Variants in RFC3 observed in about 807,000 individuals in gnomAD.
RFC3 encodes replication factor C subunit 3.
Under a neutral mutation model 45.1 loss-of-function variants are expected in RFC3, and 41 were observed. That is an observed-to-expected ratio of 0.91 (90% CI 0.71 to 1.18). The LOEUF is 1.18. RFC3 is among the 50% of genes most tolerant of loss of function. The pLI is 0.00. For missense variants in RFC3, 423 were observed against 428.1 expected, an observed-to-expected ratio of 0.99 and a Z score of 0.10; for synonymous variants, 149 against 144.0, an observed-to-expected ratio of 1.03 and a Z score of -0.25.
chr13:33,959,891 C>T (rs1172147735), intron 8 of RFC3, among the ~76,000 whole-genome samples: 3 of 152,122 alleles, frequency 2.0e-5, no homozygotes, highest in African/African-American at 4.8e-5. Flanking sequence ...GGAAGCATAG[C>T]GCCGGCATCA....
At chr13:33,949,846 AG>A (rs1193883288) in intron 8 of RFC3, among the ~76,000 whole-genome samples, 13 of 152,320 alleles carry the variant, frequency 8.5e-5, no homozygotes, top group South Asian at 4.1e-4. Context: ...CAGGTAAGAG[AG>A]AATTTCTCTT....
At chr13:33,898,806 AAGG>A (rs1381609828) in intron 8 of RFC3, among the ~76,000 whole-genome samples, 1 of 151,900 alleles carries the variant, frequency 6.6e-6, no homozygotes, top group African/African-American at 2.4e-5. Flanking sequence ...AGAAATGAAA[AAGG>A]AGTCATAAAA....
At chr13:33,894,372 G>C (rs1289110115) in intron 8 of RFC3, among the ~76,000 whole-genome samples, 1 of 152,204 alleles carries the variant, frequency 6.6e-6, no homozygotes, top group Non-Finnish European at 1.5e-5. Context: ...GGGAATGGAG[G>C]GAAGTCGTTC....
At chr13:33,928,720 G>A (rs9563936) in intron 8 of RFC3, among the ~76,000 whole-genome samples, 39,681 of 151,992 alleles carry the variant, frequency 0.26, 7,536 homozygotes, top group African/African-American at 0.52. Flanking sequence ...TCCAATAGCA[G>A]CTTGCCTGTG....
At chr13:33,920,205 C>T (rs774532716) in intron 8 of RFC3, among the ~76,000 whole-genome samples, 3 of 151,962 alleles carry the variant, frequency 2.0e-5, no homozygotes, top group East Asian at 1.9e-4. Context: ...AGCAATGTTC[C>T]GGGACAAGCC....
chr13:33,873,790 A>C (rs181059258), intron 8 of RFC3, among the ~76,000 whole-genome samples: 95 of 152,342 alleles, frequency 6.2e-4, no homozygotes, highest in Middle Eastern at 6.8e-3. Flanking sequence ...TTCATGGCTC[A>C]CAGGAAATGC....
At chr13:33,906,719 C>A (rs191080635) in intron 8 of RFC3, among the ~76,000 whole-genome samples, 3 of 152,152 alleles carry the variant, frequency 2.0e-5, no homozygotes. Flanking sequence ...AAAATTACTT[C>A]ACAAAAAATT....
intron 8 of RFC3, among the ~76,000 whole-genome samples, chr13:33,862,891 G>A (rs1293674053): frequency 6.6e-6 from 1 of 152,174 alleles, no homozygotes; most frequent in African/African-American, 2.4e-5. Context: ...CATTTCCCAA[G>A]TTTCCAGCTG....
intron 8 of RFC3, among the ~76,000 whole-genome samples, chr13:33,842,564 G>C (rs1181754876): frequency 6.6e-6 from 1 of 152,168 alleles, no homozygotes; most frequent in Non-Finnish European, 1.5e-5. Context: ...CAGCCTCTCT[G>C]AATTCTGCTC....
At chr13:33,864,895 T>A (rs2082363410) in intron 8 of RFC3, among the ~76,000 whole-genome samples, 1 of 152,160 alleles carries the variant, frequency 6.6e-6, no homozygotes. Flanking sequence ...GGGAGTTCTG[T>A]CTTGGACATA....
rs77807534 is a variant in RFC3 at position 33,956,339 on chromosome 13, A to T, written c.880-9748A>T. ...GGTTAAAGTCCTAAGTATTAGTTTA[A>T]TCTGAGACGTAATCACAGCAGTGAT... On this transcript the variant is annotated intron_variant, in intron 8 of 8. Transcript: ENST00000434425. Among the ~76,000 whole-genome samples, 149 of 152,328 alleles carry T rather than the reference A, an allele frequency of 9.8e-4. 1 individual carries two copies. The East Asian group carries it at 0.025, about 26-fold the overall frequency.
intron 8 of RFC3, among the ~76,000 whole-genome samples, chr13:33,955,077 A>C (rs763238809): frequency 6.6e-6 from 1 of 152,112 alleles, no homozygotes; most frequent in Non-Finnish European, 1.5e-5. Context: ...AAAAACTCTA[A>C]ATCTTATGGT....
chr13:33,830,791 G>A lies in RFC3; in HGVS notation c.646G>A (p.Ala216Thr). ...NLPSQLAHRL[A>T]EKSCRNLRKA... ...TCCTTCACAACTGGCTCATAGACTT[G>A]CAGAGAAGTCTTGTAGAAATCTCAG... The change falls in exon 6 of 9, where the codon GCA (alanine) becomes ACA (threonine). Residue 216 changes from alanine to threonine, a missense_variant. By Grantham distance (58) the Ala-to-Thr change is moderately conservative (BLOSUM62 0). Transcript: ENST00000380071. 1 of 1,612,226 alleles carries A rather than the reference G, an allele frequency of 6.2e-7. No individual in the cohort carries two copies.
chr13:33,955,296 G>C (rs995293762), intron 8 of RFC3, among the ~76,000 whole-genome samples: 3 of 152,030 alleles, frequency 2.0e-5, no homozygotes, highest in Admixed American at 6.6e-5. Context: ...AAATGATGGA[G>C]GACTTGTAAA....
intron 8 of RFC3, among the ~76,000 whole-genome samples, chr13:33,961,974 A>G (rs1484207763): frequency 2.6e-5 from 4 of 152,202 alleles, no homozygotes; most frequent in Non-Finnish European, 5.9e-5. Context: ...ATCTGGCCAC[A>G]ACTGTCTTAA....
chr13:33,974,106 A>T, the RFC3 span, among the ~76,000 whole-genome samples: 29 of 152,180 alleles, frequency 1.9e-4, no homozygotes, highest in African/African-American at 7.0e-4. Flanking sequence ...TATCTGAAGA[A>T]GACACTGATT....
intron 8 of RFC3, among the ~76,000 whole-genome samples, chr13:33,929,581 G>A (rs1282408570): frequency 6.6e-6 from 1 of 151,984 alleles, no homozygotes; most frequent in African/African-American, 2.4e-5. Context: ...TCTGGTAAAT[G>A]TCATGTCATT....
chr13:33,920,452 A>G (rs1430577240), intron 8 of RFC3, among the ~76,000 whole-genome samples: 5 of 136,900 alleles, frequency 3.7e-5, no homozygotes, highest in African/African-American at 8.5e-5. Flanking sequence ...TTTTGCAACA[A>G]GGTCCTCACT....
intron 8 of RFC3, among the ~76,000 whole-genome samples, chr13:33,964,198 G>T (rs1556067): frequency 0.93 from 142,023 of 152,300 alleles, 66,994 homozygotes; most frequent in East Asian, 1. Context: ...ATTTATAAAG[G>T]AGGCAATACC....
Sources: gnomAD v4.1 joint callset for allele counts (sites outside exome capture counted in the v4.1 genomes callset) on GRCh38, gnomAD v4.1.1 for gene constraint, MANE v1.5 for transcripts, NCBI Gene and HGNC (gene_info 2026-07-23, HGNC 2026-07-21) for gene names.